The following CNGA1 variants were observed in gnomAD, a reference collection of about 807,000 sequenced individuals.
CNGA1 encodes the protein cyclic nucleotide-gated channel alpha-1.
CNGA1 carries 53 observed loss-of-function variants against 69.7 expected under a neutral mutation model. The observed-to-expected ratio is 0.76, with a 90% CI of 0.61 to 0.96. The LOEUF (loss-of-function observed/expected upper bound fraction) is 0.96, where lower values mean the gene tolerates loss of function less well. Among genes scored for constraint, CNGA1 ranks in the 40% least tolerant of loss-of-function variants. CNGA1 has a pLI of 0.00. For missense variants in CNGA1, 739 were observed against 811.2 expected, an observed-to-expected ratio of 0.91 and a Z score of 1.08; for synonymous variants, 249 against 283.5, an observed-to-expected ratio of 0.88 and a Z score of 1.22.
chr4:47,973,037 G>GAT (rs933618581), intron 3 of CNGA1, among the ~76,000 whole-genome samples: 2 of 149,704 alleles, frequency 1.3e-5, no homozygotes, highest in African/African-American at 4.9e-5. Flanking sequence ...CTGAAAGGCT[G>GAT]ATATAGTACA....
At chr4:47,945,751 A>G (rs968550085) in intron 6 of CNGA1, among the ~76,000 whole-genome samples, 1 of 152,206 alleles carries the variant, frequency 6.6e-6, no homozygotes, top group Non-Finnish European at 1.5e-5. Flanking sequence ...GTATAAAATC[A>G]TGCATGGAGG....
chr4:47,987,531 T>C (rs1742027066), intron 2 of CNGA1, among the ~76,000 whole-genome samples: 1 of 152,210 alleles, frequency 6.6e-6, no homozygotes, highest in African/African-American at 2.4e-5. Flanking sequence ...ATACTATGCA[T>C]AGTCATTCAT....
At chr4:47,964,646 T>G in intron 3 of CNGA1, among the ~76,000 whole-genome samples, 1 of 152,106 alleles carries the variant, frequency 6.6e-6, no homozygotes, top group East Asian at 1.9e-4. Context: ...TAATTAGCAT[T>G]TAATCAATAA....
At chr4:48,002,683 C>CAAAAAAAAA (rs34405949) in intron 2 of CNGA1, among the ~76,000 whole-genome samples, 6 of 117,766 alleles carry the variant, frequency 5.1e-5, no homozygotes, top group Admixed American at 8.6e-5. Flanking sequence ...GTCAGACATG[C>CAAAAAAAAA]AAAAAAAAAA....
At chr4:47,953,360 AC>A (rs1481431238) in intron 3 of CNGA1, among the ~76,000 whole-genome samples, 1 of 152,236 alleles carries the variant, frequency 6.6e-6, no homozygotes, top group Non-Finnish European at 1.5e-5. Flanking sequence ...TAACTGTAGA[AC>A]AAAACCATAG....
intron 2 of CNGA1, among the ~76,000 whole-genome samples, chr4:48,009,593 C>G (rs1447333581): frequency 6.6e-6 from 1 of 152,064 alleles, no homozygotes; most frequent in Admixed American, 6.5e-5. Flanking sequence ...CACCTGAGGT[C>G]AGGAATTCAA....
At chr4:48,003,936 A>G (rs902421163) in intron 2 of CNGA1, among the ~76,000 whole-genome samples, 3 of 150,076 alleles carry the variant, frequency 2.0e-5, no homozygotes, top group Admixed American at 6.7e-5. Flanking sequence ...TCTATCCTCC[A>G]CCTCTTGTGG....
intron 2 of CNGA1, among the ~76,000 whole-genome samples, chr4:48,006,629 AATT>A (rs1714931244): frequency 6.9e-6 from 1 of 145,680 alleles, no homozygotes; most frequent in Non-Finnish European, 1.5e-5. Context: ...AAAAAGACAT[AATT>A]TTTTTTTGAG....
At chr4:47,965,101 A>C (rs184106996) in intron 3 of CNGA1, among the ~76,000 whole-genome samples, 1 of 152,290 alleles carries the variant, frequency 6.6e-6, no homozygotes, top group East Asian at 1.9e-4. Context: ...AACTTCCAGA[A>C]GATAATACAT....
chr4:47,983,817 C>A (rs1484977942), intron 2 of CNGA1, among the ~76,000 whole-genome samples: 1 of 152,122 alleles, frequency 6.6e-6, no homozygotes, highest in Non-Finnish European at 1.5e-5. Context: ...AAGGTATCTA[C>A]TTCATCTTTT....
At chr4:47,961,970 G>T (rs540554103) in intron 3 of CNGA1, among the ~76,000 whole-genome samples, 1 of 152,126 alleles carries the variant, frequency 6.6e-6, no homozygotes, top group Non-Finnish European at 1.5e-5. Context: ...GCATTTACCT[G>T]GAAATTTAAC....
chr4:47,983,081 G>A (rs932935236), intron 2 of CNGA1, among the ~76,000 whole-genome samples: 2 of 152,112 alleles, frequency 1.3e-5, no homozygotes, highest in Non-Finnish European at 2.9e-5. Flanking sequence ...TAGGATTACA[G>A]GCGTGAGCCA....
chr4:48,013,018 A>G (rs3113881), intron 1 of CNGA1: 123,604 of 152,096 alleles, frequency 0.81, 50,727 homozygotes, highest in Non-Finnish European at 0.87. Context: ...ATGGAAACAG[A>G]AAATTTGTCT....
intron 3 of CNGA1, among the ~76,000 whole-genome samples, chr4:47,960,568 G>T (rs1740377275): frequency 6.6e-6 from 1 of 152,024 alleles, no homozygotes; most frequent in Admixed American, 6.6e-5. Context: ...CCAATCTTTT[G>T]CTTATCAAAA....
At chr4:47,983,563 C>A (rs954059608) in intron 2 of CNGA1, among the ~76,000 whole-genome samples, 3 of 152,132 alleles carry the variant, frequency 2.0e-5, no homozygotes, top group Admixed American at 2.0e-4. Flanking sequence ...GCACTCCAGC[C>A]TGGGCGACAG....
chr4:47,961,258 A>G (rs1219055981), intron 3 of CNGA1, among the ~76,000 whole-genome samples: 1 of 152,188 alleles, frequency 6.6e-6, no homozygotes, highest in Admixed American at 6.5e-5. Context: ...AAGGTGAAAC[A>G]TTAAAGATAC....
At chr4:48,014,973 G>C (rs1715313458) in intron 1 of CNGA1, among the ~76,000 whole-genome samples, 1 of 151,896 alleles carries the variant, frequency 6.6e-6, no homozygotes, top group Non-Finnish European at 1.5e-5. Flanking sequence ...GAGATTGAGA[G>C]CATGCTGGTT....
chr4:47,939,756 T>C (rs967110906), intron 10 of CNGA1, among the ~76,000 whole-genome samples: 1 of 152,208 alleles, frequency 6.6e-6, no homozygotes, highest in African/African-American at 2.4e-5. Flanking sequence ...CAGAATTGTG[T>C]TGTATTGAGA....
intron 3 of CNGA1, among the ~76,000 whole-genome samples, chr4:47,976,260 C>CAT (rs536418532): frequency 4.4e-5 from 1 of 22,946 alleles, no homozygotes; most frequent in Non-Finnish European, 6.4e-5. Flanking sequence ...TATACACATA[C>CAT]ATATATATAT....
Sources: allele counts gnomAD v4.1 joint callset (sites outside exome capture counted in the v4.1 genomes callset), GRCh38; gene constraint gnomAD v4.1.1; transcripts MANE v1.5; gene names NCBI Gene and HGNC (gene_info 2026-07-23, HGNC 2026-07-21).